The following SYNE3 variants were observed in gnomAD, a reference collection of about 807,000 sequenced individuals.
SYNE3 encodes spectrin repeat containing nuclear envelope family member 3.
SYNE3 carries 100 observed loss-of-function variants against 111.2 expected under a neutral mutation model. The ratio of observed to expected loss-of-function variants is 0.90; its 90% confidence interval spans 0.77 to 1.06. The LOEUF is 1.06. SYNE3 is among the 50% of genes least tolerant of loss of function. The probability of loss-of-function intolerance (pLI) is 0.00; values close to 1 mark genes in which losing one functional copy is unlikely to be tolerated. For synonymous variants in SYNE3, 547 were observed against 533.9 expected, an observed-to-expected ratio of 1.02 and a Z score of -0.34; for missense variants, 1,160 against 1,240.3, an observed-to-expected ratio of 0.94 and a Z score of 0.97.
At position 95,417,886 on chromosome 14, in the gene SYNE3, G is replaced by A; in HGVS notation, c.2868C>T (p.Ala956=). Residue 956 remains alanine, a synonymous_variant, in exon 18 of 18, where the codon GCC becomes GCT. Transcript: ENST00000682763. Reference sequence around the variant, plus strand: ...GCGTGAAGGAGCGGGCGAAGTTGTTGGCCAGGGTGCAGCTGCGGTCCTCTT... The same window carrying A: ...GCGTGAAGGAGCGGGCGAAGTTGTTAGCCAGGGTGCAGCTGCGGTCCTCTT... ...IREEDRSCTL[A]NNFARSFTLM... 2 of 1,614,224 alleles carry A rather than the reference G, an allele frequency of 1.2e-6. No homozygotes were observed.
chr14:95,449,912 T>C lies in SYNE3; in HGVS notation c.1449+19A>G. ...AGTGGCCCACCCCAGCCCCACCCAG[T>C]TGGCAGGACCACGGTTACCTCGATC... On this transcript the variant is annotated intron_variant, in intron 8 of 17. Transcript: ENST00000682763. 6.5e-7 allele frequency: 1 copy of C among 1,539,642 alleles called. No individual in the cohort carries two copies. Among genetic ancestry groups the C allele is most frequent in the Non-Finnish European group, 8.8e-7 (1 of 1,139,364 alleles).
intron 4 of SYNE3, among the ~76,000 whole-genome samples, chr14:95,461,955 G>A (rs1887849204): frequency 6.6e-6 from 1 of 152,220 alleles, no homozygotes; most frequent in Admixed American, 6.5e-5. Context: ...GGACACCCAG[G>A]AGGTCAATGC....
At chr14:95,502,311 C>T (rs1890367996) in intron 1 of SYNE3, among the ~76,000 whole-genome samples, 1 of 143,876 alleles carries the variant, frequency 7.0e-6, no homozygotes, top group African/African-American at 2.5e-5. Context: ...GGCTGGGTTC[C>T]CAGAGCCTGT....
intron 8 of SYNE3, among the ~76,000 whole-genome samples, chr14:95,446,771 C>A (rs1032074462): frequency 5.9e-5 from 9 of 152,118 alleles, no homozygotes; most frequent in African/African-American, 2.2e-4. Context: ...GCCATATAGC[C>A]CGAACTCTGC....
At position 95,481,462 on chromosome 14, in the gene SYNE3, G is replaced by A. The variant is rs1889247670; in HGVS notation, c.-14-5627C>T. On this transcript the variant is annotated intron_variant, in intron 1 of 17. Coordinates refer to ENST00000682763, the MANE Select transcript of SYNE3 (RefSeq NM_152592.6). ...TCAACCCCTACGCTAGAGAGACAAG[G>A]CGGGGAGGCAATGTTAGATGTTCCT... Among the ~76,000 whole-genome samples, 3 of 152,222 alleles carry A rather than the reference G, an allele frequency of 2.0e-5. No homozygotes were observed. The South Asian group carries it at 6.2e-4, about 31-fold the overall frequency.
chr14:95,414,686 G>GACACACACACACAC lies in SYNE3; in HGVS notation c.*3126_*3139dup. On this transcript the variant is annotated 3_prime_UTR_variant, in exon 18 of 18. Coordinates refer to ENST00000682763, the MANE Select transcript of SYNE3 (RefSeq NM_152592.6). The stretch of plus-strand genomic sequence containing the variant: ...CTCCTTCCCTCCTCTCTCTCTCTCT[G>GACACACACACACAC]ACACACACACACACACACACACACA... 1.6e-5 allele frequency: 2 copies of GACACACACACACAC among 128,144 alleles called. No individual in the cohort carries two copies. The highest frequency in any genetic ancestry group is 4.8e-4 in the East Asian group (2 of 4,176). The allele number at this position is 128,144 out of a possible 1,614,324, so 7.9% of individuals were successfully genotyped here.
chr14:95,505,006 G>C (rs149360411), intron 1 of SYNE3, among the ~76,000 whole-genome samples: 1 of 152,194 alleles, frequency 6.6e-6, no homozygotes, highest in South Asian at 2.1e-4. Flanking sequence ...TCCCTTCTGG[G>C]GAGCTTAAGA....
chr14:95,425,967 A>C (rs765436298), intron 17 of SYNE3, among the ~76,000 whole-genome samples: 2 of 152,142 alleles, frequency 1.3e-5, no homozygotes, highest in African/African-American at 2.4e-5. Flanking sequence ...CCAGTGCCCC[A>C]GGGCCAAATG....
At chr14:95,460,367 G>GTTTTTTTTTTTTTTTTT (rs548346693) in intron 4 of SYNE3, among the ~76,000 whole-genome samples, 5 of 85,238 alleles carry the variant, frequency 5.9e-5, no homozygotes, top group African/African-American at 9.3e-5. Context: ...ACGATGCCTA[G>GTTTTTTTTTTTTTTTTT]TTTTTTTTTT....
At chr14:95,468,641 C>T (rs184912943) in intron 2 of SYNE3, among the ~76,000 whole-genome samples, 1 of 152,244 alleles carries the variant, frequency 6.6e-6, no homozygotes, top group Non-Finnish European at 1.5e-5. Flanking sequence ...CCTCCTGACC[C>T]TGCTCCTTCC....
chr14:95,426,320 A>G (rs1885425650), intron 17 of SYNE3, among the ~76,000 whole-genome samples: 1 of 152,194 alleles, frequency 6.6e-6, no homozygotes, highest in South Asian at 2.1e-4. Context: ...GCATGGCCCT[A>G]GCAAAGCCCA....
At chr14:95,479,744 G>C (rs139998270) in intron 1 of SYNE3, among the ~76,000 whole-genome samples, 1 of 152,200 alleles carries the variant, frequency 6.6e-6, no homozygotes, top group Non-Finnish European at 1.5e-5. Flanking sequence ...CAGGGGCCAC[G>C]GGACCTCAAA....
intron 1 of SYNE3, among the ~76,000 whole-genome samples, chr14:95,483,067 G>A (rs1889351190): frequency 6.6e-6 from 1 of 152,168 alleles, no homozygotes; most frequent in African/African-American, 2.4e-5. Context: ...TCTATCTTGA[G>A]CTGCAGCTCA....
At chr14:95,480,394 A>AT (rs140796399) in intron 1 of SYNE3, among the ~76,000 whole-genome samples, 26,130 of 151,702 alleles carry the variant, frequency 0.17, 2,794 homozygotes, top group Non-Finnish European at 0.24. Flanking sequence ...AAGAGAAGTG[A>AT]TTTTTTTTTC....
At position 95,445,970 on chromosome 14, in the gene SYNE3, C is replaced by T. The variant is rs780109883; in HGVS notation, c.1571G>A (p.Gly524Asp). Residue 524 changes from glycine to aspartate, a missense_variant, in exon 9 of 18, where the codon GGT becomes GAT. Physicochemically the swap from Gly to Asp is moderately conservative, Grantham distance 94. Coordinates refer to ENST00000682763, the MANE Select transcript of SYNE3 (RefSeq NM_152592.6). The part of the protein sequence containing the change: ...RATALLEQVA[G>D]SMRDRDLLHN... ...CAGCAGGTCTCTGTCCCTCATGGAA[C>T]CTGCCACCTGCTCCAGGAGTGCCGT... is the stretch of plus-strand genomic sequence containing the variant. The T allele has an allele frequency of 2.5e-6, 4 of 1,614,148 alleles. No individual in the cohort carries two copies. In the South Asian group the frequency reaches 3.3e-5, roughly 13 times the overall value.
intron 6 of SYNE3, among the ~76,000 whole-genome samples, chr14:95,452,803 C>T (rs1325037409): frequency 6.6e-6 from 1 of 152,234 alleles, no homozygotes; most frequent in Non-Finnish European, 1.5e-5. Flanking sequence ...GGGCTAAGAG[C>T]TCTCTGACGG....
chr14:95,414,415 G>T lies in SYNE3; in HGVS notation c.*3411C>A, dbSNP rs1367980711. ...CGAGCACCAAACGAGCACATTCTTT[G>T]TCTCCCTTGTCGGTGTTCCCTCTGT... is the stretch of plus-strand genomic sequence containing the variant. On this transcript the variant is annotated 3_prime_UTR_variant, in exon 18 of 18. Transcript: ENST00000682763. 4 of 152,170 alleles carry T rather than the reference G, an allele frequency of 2.6e-5. No homozygotes were observed. Among genetic ancestry groups the T allele is most frequent in the African/African-American group, 9.7e-5 (4 of 41,432 alleles). 9.4% of individuals were successfully genotyped at this position (152,170 alleles called of 1,614,324 possible).
rs1887367258 is a variant in SYNE3, at chr14:95,455,504, A to C, written c.1010T>G (p.Ile337Ser). 6.2e-7 allele frequency: 1 copy of C among 1,613,716 alleles called. No individual in the cohort carries two copies. Among genetic ancestry groups the C allele is most frequent in the Non-Finnish European group, 8.5e-7 (1 of 1,180,020 alleles). Residue 337 changes from isoleucine to serine, a missense_variant, in exon 6 of 18, where the codon ATT becomes AGT. Ile to Ser is a moderately radical substitution (Grantham distance 142). Transcript: ENST00000682763. Reference protein sequence around the residue: ...LRSRGAWEQQIKQLEAELSEF... With the variant: ...LRSRGAWEQQSKQLEAELSEF... ...ACTGAGCTCAGCCTCCAGCTGCTTA[A>C]TCTGCTGCTCCCAGGCTCCCCTGGA...
intron 2 of SYNE3, among the ~76,000 whole-genome samples, chr14:95,468,625 A>G (rs1264259503): frequency 6.6e-6 from 1 of 152,152 alleles, no homozygotes; most frequent in Non-Finnish European, 1.5e-5. Context: ...GCTGTCTGAG[A>G]TGGCCCCTCC....
Sources: gnomAD v4.1 joint callset for allele counts (sites outside exome capture counted in the v4.1 genomes callset) on GRCh38, gnomAD v4.1.1 for gene constraint, MANE v1.5 for transcripts, NCBI Gene and HGNC (gene_info 2026-07-23, HGNC 2026-07-21) for gene names.